PLEKHM1: variants seen among roughly 807,000 people sequenced by gnomAD.
The protein encoded by PLEKHM1 is pleckstrin homology and RUN domain containing M1.
PLEKHM1 carries 28 observed loss-of-function variants against 94.3 expected under a neutral mutation model. The observed-to-expected ratio is 0.30, with a 90% CI of 0.22 to 0.41. The LOEUF (loss-of-function observed/expected upper bound fraction) is 0.41. Ranked by LOEUF, PLEKHM1 falls within the 10% of genes least tolerant of loss-of-function variation. The probability of loss-of-function intolerance (pLI) is 1.00; values close to 1 mark genes in which losing one functional copy is unlikely to be tolerated. For missense variants in PLEKHM1, 907 were observed against 1,358.6 expected (o/e 0.67, Z 5.22); for synonymous variants, 424 against 581.2 (o/e 0.73, Z 3.89).
At chr17:45,487,914 T>G in intron 1 of PLEKHM1, 1 of 396,136 alleles carries the variant, frequency 2.5e-6, no homozygotes, top group Non-Finnish European at 5.0e-6. Context: ...CTGTACCAAT[T>G]GATGAGTCAT....
At chr17:45,481,954 C>A (rs1187842402) in intron 2 of PLEKHM1, among the ~76,000 whole-genome samples, 1 of 152,062 alleles carries the variant, frequency 6.6e-6, no homozygotes, top group Non-Finnish European at 1.5e-5. Flanking sequence ...CCCAAGATAG[C>A]CCAGGAGGGT....
rs755261783 is a variant in PLEKHM1, at chr17:45,453,280, G to T, written c.2497+75C>A. On this transcript the variant is annotated intron_variant, in intron 7 of 11. Coordinates refer to ENST00000430334, the MANE Select transcript of PLEKHM1 (RefSeq NM_014798.3). This position sits in a 1 kb window ranked among gnomAD's most constrained non-coding sequence, Gnocchi z 4.1. ...CATTTGCGGGGAGGCAGAAGGGTGG[G>T]GAGCCTAAATCAGGAACCAGCAGGA... 1 of 1,495,450 alleles carries T rather than the reference G, an allele frequency of 6.7e-7. No homozygotes were observed. The highest frequency in any genetic ancestry group is 9.1e-7 in the Non-Finnish European group (1 of 1,093,276). 92.6% of individuals were successfully genotyped at this position (1,495,450 alleles called of 1,614,324 possible). A position where few individuals can be genotyped will look rare whatever the true frequency, so the allele number is the denominator to read the frequency against.
intron 8 of PLEKHM1, chr17:45,448,013 G>C (rs1208909949): frequency 6.6e-6 from 1 of 152,058 alleles, no homozygotes; most frequent in African/African-American, 2.4e-5. Flanking sequence ...GGTCAGGCTG[G>C]TCTCAACTCC....
intron 6 of PLEKHM1, among the ~76,000 whole-genome samples, chr17:45,457,003 A>T (rs566724779): frequency 6.6e-6 from 1 of 151,960 alleles, no homozygotes; most frequent in South Asian, 2.1e-4. Context: ...CAACATGGCA[A>T]AATCCTATGT....
At position 45,454,137 on chromosome 17, in the gene PLEKHM1, G is replaced by C; in HGVS notation, c.1715C>G (p.Thr572Ser). ...FRLYLSNEEH[T>S]CVENCSLLRC... ...AAGCAGCGAGCAGTTCTCCACACAG[G>C]TGTGCTCCTCGTTGCTCAGGTAGAG... The change falls in exon 7 of 12, where the codon ACC becomes AGC. Residue 572 changes from threonine (T) to serine (S), a missense_variant. By Grantham distance (58) the Thr-to-Ser change is moderately conservative. Coordinates refer to ENST00000430334, the MANE Select transcript of PLEKHM1 (RefSeq NM_014798.3). 6.2e-7 allele frequency: 1 copy of C among 1,614,146 alleles called. No individual in the cohort carries two copies. Among genetic ancestry groups the C allele is most frequent in the Non-Finnish European group, 8.5e-7 (1 of 1,180,048 alleles).
At chr17:45,488,540 A>G (rs985016486) in intron 1 of PLEKHM1, among the ~76,000 whole-genome samples, 16 of 152,276 alleles carry the variant, frequency 1.1e-4, no homozygotes, top group Admixed American at 5.2e-4. Flanking sequence ...AACAACTTAA[A>G]TATACTGCAT....
chr17:45,458,229 C>T lies in PLEKHM1; in HGVS notation c.1519G>A (p.Ala507Thr), dbSNP rs1021082250. 1.2e-6 allele frequency: 2 copies of T among 1,613,074 alleles called. No individual in the cohort carries two copies. Among genetic ancestry groups the T allele is most frequent in the Non-Finnish European group, 1.7e-6 (2 of 1,179,558 alleles). The change falls in exon 6 of 12, where the codon GCC (alanine) becomes ACC (threonine). Residue 507 changes from alanine to threonine, a missense_variant. Transcript: ENST00000430334. ...ACVPSPGRRQ[A>T]QAAPSQGHKS... ...TGCCCCTGGGATGGGGCTGCCTGGG[C>T]TTGCCTTCTTCCTGGGGAAGGTACA...
chr17:45,452,571 A>G (rs2145211310), intron 7 of PLEKHM1, among the ~76,000 whole-genome samples: 1 of 151,832 alleles, frequency 6.6e-6, no homozygotes, highest in East Asian at 1.9e-4. Context: ...AGTAGCGCCT[A>G]TCTCTACAGG....
chr17:45,438,520 A>G (rs1304906520), intron 11 of PLEKHM1, among the ~76,000 whole-genome samples: 1 of 151,604 alleles, frequency 6.6e-6, no homozygotes, highest in Non-Finnish European at 1.5e-5. Flanking sequence ...CGACAGAGCA[A>G]GACTCCATCT....
At chr17:45,456,062 A>G (rs1445963450) in intron 6 of PLEKHM1, among the ~76,000 whole-genome samples, 8 of 152,020 alleles carry the variant, frequency 5.3e-5, no homozygotes, top group Non-Finnish European at 2.9e-5. Flanking sequence ...TGAAACACGT[A>G]CATTGCCTCA....
intron 6 of PLEKHM1, among the ~76,000 whole-genome samples, chr17:45,456,766 G>A (rs983102906): frequency 5.9e-5 from 9 of 152,230 alleles, no homozygotes; most frequent in Non-Finnish European, 1.2e-4. Flanking sequence ...ATTCTAGAGC[G>A]TACTTTTTTT....
chr17:45,482,316 C>T, intron 2 of PLEKHM1, 121 bp downstream of exon 2: 1 of 529,180 alleles, frequency 1.9e-6, no homozygotes, highest in Non-Finnish European at 3.6e-6. Flanking sequence ...CCTGCTTGTG[C>T]TGTAACTTTT....
Position 45,440,245 on chromosome 17 carries a change from C to T in PLEKHM1, c.2838-19G>A, listed in dbSNP as rs368597494. The T allele has an allele frequency of 8.1e-5, 130 of 1,612,730 alleles. No homozygotes were observed. The highest frequency in any genetic ancestry group is 6.9e-4 in the East Asian group (31 of 44,886). ...GTTGAGCCTTCAAACAAAACACAAG[C>T]GATTCTTTAGAAAGGTTTCCAGAAC... On this transcript the variant is annotated intron_variant, in intron 9 of 11. Coordinates refer to ENST00000430334, the MANE Select transcript of PLEKHM1 (RefSeq NM_014798.3).
chr17:45,436,694 C>A lies in PLEKHM1; in HGVS notation c.*1164G>T, dbSNP rs1429014124. On this transcript the variant is annotated 3_prime_UTR_variant, in exon 12 of 12. Transcript: ENST00000430334. Reference sequence around the variant, plus strand: ...CCCAGCCCCAAGGCCCCTTCAAAGGCAGTCCTGCTCCGGGGAACTTCTTCA... The same window carrying A: ...CCCAGCCCCAAGGCCCCTTCAAAGGAAGTCCTGCTCCGGGGAACTTCTTCA... 1 of 454,150 alleles carries A rather than the reference C, an allele frequency of 2.2e-6. No individual in the cohort carries two copies. Among genetic ancestry groups the A allele is most frequent in the Non-Finnish European group, 4.4e-6 (1 of 226,792 alleles). 28.1% of individuals were successfully genotyped at this position (454,150 alleles called of 1,614,324 possible). A position where few individuals can be genotyped will look rare whatever the true frequency, so the allele number is the denominator to read the frequency against.
At chr17:45,441,155 A>C (rs1328356397) in intron 9 of PLEKHM1, 4 of 152,222 alleles carry the variant, frequency 2.6e-5, no homozygotes, top group African/African-American at 4.8e-5. Context: ...GTGTGTTTAC[A>C]TGGGTACTGG....
At chr17:45,457,476 C>T (rs1233499448) in intron 6 of PLEKHM1, among the ~76,000 whole-genome samples, 1 of 151,588 alleles carries the variant, frequency 6.6e-6, no homozygotes, top group Non-Finnish European at 1.5e-5. Context: ...AGAAGAATTG[C>T]TTGAACACGG....
At chr17:45,458,658 G>A (rs1053420030) in intron 5 of PLEKHM1, among the ~76,000 whole-genome samples, 26 of 151,716 alleles carry the variant, frequency 1.7e-4, no homozygotes, top group Admixed American at 3.3e-4. Flanking sequence ...TTTAGTAGAG[G>A]CGGGGTTTCA....
At chr17:45,463,464 C>T (rs1056428277) in intron 5 of PLEKHM1, among the ~76,000 whole-genome samples, 1 of 151,440 alleles carries the variant, frequency 6.6e-6, no homozygotes, top group African/African-American at 2.4e-5. Context: ...GTGATCTCGG[C>T]TCACTGCAAC....
intron 9 of PLEKHM1, chr17:45,440,818 T>G: frequency 5.5e-6 from 1 of 182,032 alleles, no homozygotes; most frequent in Non-Finnish European, 1.2e-5. Context: ...CTGTTGTCAT[T>G]ATTGCCACCA....
Sources: gnomAD v4.1 joint callset for allele counts (sites outside exome capture counted in the v4.1 genomes callset) on GRCh38, gnomAD v4.1.1 for gene constraint, Gnocchi (gnomAD v3.1) non-coding constraint, MANE v1.5 for transcripts, NCBI Gene and HGNC (gene_info 2026-07-23, HGNC 2026-07-21) for gene names.